TENT5D: variants seen among roughly 807,000 people sequenced by gnomAD.
TENT5D encodes cancer/testis antigen 112.
For missense variants in TENT5D, 191 were observed against 287.0 expected (o/e 0.67, Z 2.42); for synonymous variants, 103 against 100.6 (o/e 1.02, Z -0.15).
At chrX:80,337,461 A>G (rs949866378) in intron 2 of TENT5D, among the ~76,000 whole-genome samples, 4 of 111,879 alleles carry the variant, frequency 3.6e-5, no homozygotes, top group East Asian at 2.8e-4. Context: ...TAACCAGCAT[A>G]TCCTTTAGTG....
intron 3 of TENT5D, among the ~76,000 whole-genome samples, chrX:80,413,075 C>T (rs774503459): frequency 9.0e-6 from 1 of 111,594 alleles, no homozygotes; most frequent in South Asian, 3.7e-4. Context: ...TTATAACCCT[C>T]ATACCAAATT....
At chrX:80,432,811 A>G (rs961064996) in intron 1 of TENT5D, among the ~76,000 whole-genome samples, 1 of 110,584 alleles carries the variant, frequency 9.0e-6, no homozygotes, top group African/African-American at 3.3e-5. Flanking sequence ...GGGGTGCCCA[A>G]ATTGGTTGCC....
At chrX:80,401,888 G>A (rs1379822337) in intron 3 of TENT5D, among the ~76,000 whole-genome samples, 2 of 111,711 alleles carry the variant, frequency 1.8e-5, no homozygotes, top group African/African-American at 6.5e-5. Context: ...TCTTCATTTG[G>A]CATTGGCATC....
At chrX:80,414,250 T>A (rs1931725026) in intron 3 of TENT5D, among the ~76,000 whole-genome samples, 1 of 110,671 alleles carries the variant, frequency 9.0e-6, no homozygotes, top group Admixed American at 9.6e-5. Context: ...GCTTGGGAGG[T>A]CAGGGATTCT....
intron 2 of TENT5D, among the ~76,000 whole-genome samples, chrX:80,338,633 A>T: frequency 1.8e-5 from 2 of 112,611 alleles, no homozygotes; most frequent in South Asian, 7.2e-4. Flanking sequence ...TTAATTTTTA[A>T]TATTATGATT....
At chrX:80,396,480 C>G (rs926162929) in intron 3 of TENT5D, among the ~76,000 whole-genome samples, 37 of 109,781 alleles carry the variant, frequency 3.4e-4, no homozygotes, top group Admixed American at 1.9e-3. Flanking sequence ...TGACTCTTAA[C>G]GAGCATGCTG....
intron 3 of TENT5D, among the ~76,000 whole-genome samples, chrX:80,383,093 C>T (rs1027085027): frequency 1.8e-5 from 2 of 112,339 alleles, no homozygotes; most frequent in African/African-American, 3.2e-5. Context: ...CTGGGAGCTA[C>T]AGACTGGAGC....
chrX:80,340,668 C>T (rs181225837), intron 2 of TENT5D, among the ~76,000 whole-genome samples: 191 of 111,249 alleles, frequency 1.7e-3, no homozygotes, highest in African/African-American at 6.1e-3. Context: ...GTAGACATTT[C>T]GGTCTGTACA....
intron 3 of TENT5D, among the ~76,000 whole-genome samples, chrX:80,371,723 T>A: frequency 8.9e-6 from 1 of 112,064 alleles, no homozygotes. Flanking sequence ...CTTCATTGAA[T>A]TGAAAAGAGT....
chrX:80,373,603 G>C (rs1930669950), intron 3 of TENT5D, among the ~76,000 whole-genome samples: 1 of 111,156 alleles, frequency 9.0e-6, no homozygotes, highest in East Asian at 2.8e-4. Flanking sequence ...TGAGGCACAG[G>C]AAGGTTAAAT....
In TENT5D at chrX:80,356,793, G is replaced by C. The variant is rs762936032; in HGVS notation, c.-142+14229G>C. ...TTTTTTAGTATACTTTAAGTTTTAG[G>C]GTACATGTGCACAACGTGCAGGTTT... is the stretch of plus-strand genomic sequence containing the variant. On this transcript the variant is annotated intron_variant, in intron 3 of 4. Transcript: ENST00000538312. Among the ~76,000 whole-genome samples the C allele has an allele frequency of 3.7e-3, 412 of 110,797 alleles. 4 individuals are homozygous for C. Among genetic ancestry groups the C allele is most frequent in the African/African-American group, 0.013 (399 of 30,473 alleles).
intron 3 of TENT5D, among the ~76,000 whole-genome samples, chrX:80,393,498 G>A (rs919859795): frequency 2.7e-5 from 3 of 110,973 alleles, no homozygotes; most frequent in Non-Finnish European, 5.7e-5. Context: ...TACAATGTGG[G>A]ATGATTAAAC....
At chrX:80,405,618 C>T (rs956444133) in intron 3 of TENT5D, among the ~76,000 whole-genome samples, 4 of 111,788 alleles carry the variant, frequency 3.6e-5, no homozygotes, top group Admixed American at 2.8e-4. Flanking sequence ...CAGGGAGTCT[C>T]GCTGATTGCT....
In TENT5D at chrX:80,386,090, T is replaced by C. The variant is rs1930995198; in HGVS notation, c.-142+43526T>C. Among the ~76,000 whole-genome samples, 4 of 112,363 alleles carry C rather than the reference T, an allele frequency of 3.6e-5. No homozygotes were observed. In the South Asian group the frequency reaches 1.5e-3, roughly 41 times the overall value. The stretch of plus-strand genomic sequence containing the variant: ...ATTACTGGGCATATACCCAAAGGAT[T>C]ATAAATCATGCTGCTATAAAGACAC... On this transcript the variant is annotated intron_variant, in intron 3 of 4. Coordinates refer to the TENT5D transcript ENST00000538312.
Position 80,386,741 on chromosome X carries a change from T to C in TENT5D, c.-142+44177T>C, listed in dbSNP as rs143115529. On this transcript the variant is annotated intron_variant, in intron 3 of 4. Transcript: ENST00000538312. The stretch of plus-strand genomic sequence containing the variant: ...AAATCATTTTAATTTTGTGAACTGC[T>C]TAATGAATCAATTTAGAGAAGATTA... 2.0e-3 allele frequency among the ~76,000 whole-genome samples: 221 copies of C among 111,107 alleles called. 1 individual carries two copies. Among genetic ancestry groups the C allele is most frequent in the African/African-American group, 6.8e-3 (207 of 30,557 alleles).
At chrX:80,422,315 A>G (rs957243605) in intron 1 of TENT5D, among the ~76,000 whole-genome samples, 2 of 111,177 alleles carry the variant, frequency 1.8e-5, no homozygotes, top group African/African-American at 6.6e-5. Context: ...TCTACTAAAA[A>G]TACAAAAATT....
At chrX:80,421,351 A>C (rs1039961759) in intron 1 of TENT5D, among the ~76,000 whole-genome samples, 12 of 110,841 alleles carry the variant, frequency 1.1e-4, no homozygotes, top group Non-Finnish European at 1.9e-4. Context: ...ACACCCAGCT[A>C]ATTTTTTTTT....
chrX:80,408,267 G>T (rs1257802384), intron 3 of TENT5D, among the ~76,000 whole-genome samples: 3 of 105,437 alleles, frequency 2.8e-5, no homozygotes, highest in Admixed American at 1.0e-4. Flanking sequence ...AGAACTGAAG[G>T]AAATAGAGAC....
At chrX:80,405,110 A>ATTATTTTT (rs1274460021) in intron 3 of TENT5D, among the ~76,000 whole-genome samples, 2 of 112,260 alleles carry the variant, frequency 1.8e-5, no homozygotes, top group Non-Finnish European at 3.8e-5. Flanking sequence ...GGAGAGCGTT[A>ATTATTTTT]TTATTTTTCA....
Sources: gnomAD v4.1 joint callset for allele counts (sites outside exome capture counted in the v4.1 genomes callset) on GRCh38, gnomAD v4.1.1 for gene constraint, MANE v1.5 for transcripts, NCBI Gene and HGNC (gene_info 2026-07-23, HGNC 2026-07-21) for gene names.